Variants in RANBP17 observed in about 807,000 individuals in gnomAD.
The protein encoded by RANBP17 is RAN binding protein 17.
A neutral mutation model predicts 141.2 loss-of-function variants in RANBP17; 158 were observed. That is an observed-to-expected ratio of 1.12 (90% CI 0.98 to 1.28). The LOEUF is 1.28. Ranked by LOEUF, RANBP17 falls within the 50% of genes most tolerant of loss-of-function variation. RANBP17 has a pLI of 0.00. For synonymous variants in RANBP17, 430 were observed against 450.0 expected, an observed-to-expected ratio of 0.96 and a Z score of 0.56; for missense variants, 1,438 against 1,290.7, an observed-to-expected ratio of 1.11 and a Z score of -1.75.
intron 13 of RANBP17, among the ~76,000 whole-genome samples, chr5:170,954,169 A>G (rs987262327): frequency 7.2e-5 from 11 of 152,212 alleles, no homozygotes; most frequent in African/African-American, 2.2e-4. Context: ...GAATAATACA[A>G]GTGAATTGAT....
intron 14 of RANBP17, among the ~76,000 whole-genome samples, chr5:171,150,105 T>C (rs947555536): frequency 6.6e-6 from 1 of 152,256 alleles, no homozygotes; most frequent in African/African-American, 2.4e-5. Context: ...TCTGTTTACC[T>C]ACTGTCAGCC....
In RANBP17 at chr5:171,142,662, A is replaced by C. The variant is rs190923113; in HGVS notation, c.1711-27468A>C. On this transcript the variant is annotated intron_variant, in intron 14 of 27. Coordinates refer to ENST00000523189, the MANE Select transcript of RANBP17 (RefSeq NM_022897.5). Reference sequence around the variant, plus strand: ...CATGACTTTTTTTCCTTAGAAGAAGAAGCCTGTCTCTGTATTTGTTAGCAT... The same window carrying C: ...CATGACTTTTTTTCCTTAGAAGAAGCAGCCTGTCTCTGTATTTGTTAGCAT... Among the ~76,000 whole-genome samples, 16 of 152,334 alleles carry C rather than the reference A, an allele frequency of 1.1e-4. 1 individual carries two copies. In the East Asian group the frequency reaches 2.7e-3, roughly 26 times the overall value.
chr5:171,296,596 T>C (rs1002457857), intron 27 of RANBP17, among the ~76,000 whole-genome samples: 1 of 152,226 alleles, frequency 6.6e-6, no homozygotes, highest in African/African-American at 2.4e-5. Context: ...CCCATAATGA[T>C]GTAAAAATAT....
At chr5:171,137,574 G>A (rs1039966714) in intron 14 of RANBP17, among the ~76,000 whole-genome samples, 26 of 133,442 alleles carry the variant, frequency 1.9e-4, no homozygotes, top group African/African-American at 8.8e-4. Context: ...GACTTGAGAT[G>A]TGTGTGTGTG....
intron 22 of RANBP17, among the ~76,000 whole-genome samples, chr5:171,239,108 C>A (rs1163647439): frequency 6.6e-6 from 1 of 152,154 alleles, no homozygotes; most frequent in African/African-American, 2.4e-5. Flanking sequence ...ATTGTTATCT[C>A]TCTAAGGTAA....
chr5:170,965,913 T>A (rs1234560301), intron 13 of RANBP17, among the ~76,000 whole-genome samples: 1 of 152,118 alleles, frequency 6.6e-6, no homozygotes, highest in Non-Finnish European at 1.5e-5. Context: ...AACTTTAAAG[T>A]AGTTTTTTCC....
chr5:170,880,007 C>T (rs1768527797), intron 2 of RANBP17, among the ~76,000 whole-genome samples: 2 of 152,160 alleles, frequency 1.3e-5, no homozygotes, highest in African/African-American at 2.4e-5. Context: ...AAACATCTTA[C>T]ATTTTTCACA....
At chr5:171,259,163 A>G (rs571317012) in intron 24 of RANBP17, among the ~76,000 whole-genome samples, 35 of 152,364 alleles carry the variant, frequency 2.3e-4, no homozygotes, top group South Asian at 1.0e-3. Flanking sequence ...TCAAAACCAC[A>G]GTGAGATACC....
At chr5:170,951,751 C>T (rs1375524942) in intron 12 of RANBP17, among the ~76,000 whole-genome samples, 1 of 151,914 alleles carries the variant, frequency 6.6e-6, no homozygotes, top group Non-Finnish European at 1.5e-5. Context: ...TGAAGCTGTT[C>T]AAAAAGTGAT....
chr5:171,276,931 A>C (rs1767523329), intron 25 of RANBP17, among the ~76,000 whole-genome samples: 1 of 150,968 alleles, frequency 6.6e-6, no homozygotes, highest in South Asian at 2.1e-4. Context: ...AAAAAAAAAA[A>C]AAAAAAAAAA....
intron 12 of RANBP17, among the ~76,000 whole-genome samples, chr5:170,949,582 G>T (rs539301912): frequency 6.6e-6 from 1 of 152,256 alleles, no homozygotes; most frequent in African/African-American, 2.4e-5. Context: ...ACAAGTGTTG[G>T]CAAAGATTTG....
chr5:171,006,412 A>G (rs1468849379), intron 14 of RANBP17, among the ~76,000 whole-genome samples: 1 of 152,252 alleles, frequency 6.6e-6, no homozygotes, highest in African/African-American at 2.4e-5. Context: ...AATACTATGC[A>G]GCCATAAAAA....
At chr5:171,001,422 A>C (rs1037125426) in intron 14 of RANBP17, among the ~76,000 whole-genome samples, 1 of 152,098 alleles carries the variant, frequency 6.6e-6, no homozygotes, top group Non-Finnish European at 1.5e-5. Flanking sequence ...AGGGGGTTCA[A>C]TGTTATTGTT....
chr5:170,968,169 A>G, intron 13 of RANBP17, 73 bp from the exon 14 acceptor site: 5 of 1,055,628 alleles, frequency 4.7e-6, no homozygotes, highest in Non-Finnish European at 6.7e-6. Flanking sequence ...TATTACATTT[A>G]TGGTAAATGT....
chr5:171,295,494 T>C (rs1279525368), intron 26 of RANBP17, among the ~76,000 whole-genome samples: 1 of 152,172 alleles, frequency 6.6e-6, no homozygotes, highest in Non-Finnish European at 1.5e-5. Flanking sequence ...TTGCCTTCAG[T>C]CACTTAAAAT....
chr5:170,998,334 G>A (rs537612742), intron 14 of RANBP17, among the ~76,000 whole-genome samples: 1 of 152,090 alleles, frequency 6.6e-6, no homozygotes, highest in African/African-American at 2.4e-5. Context: ...GGAACACTCA[G>A]GTCACTTTGG....
intron 24 of RANBP17, among the ~76,000 whole-genome samples, chr5:171,243,918 A>G (rs1276810990): frequency 6.6e-6 from 1 of 151,848 alleles, no homozygotes; most frequent in Admixed American, 6.6e-5. Context: ...TATTAAAAAT[A>G]CAAAAAAAAA....
chr5:170,948,589 C>T (rs561085977), intron 12 of RANBP17, among the ~76,000 whole-genome samples: 12 of 152,232 alleles, frequency 7.9e-5, no homozygotes, highest in African/African-American at 2.4e-4. Flanking sequence ...GACTTCTCAT[C>T]GTCGTGGATC....
chr5:171,127,058 G>T (rs1313237833), intron 14 of RANBP17, among the ~76,000 whole-genome samples: 1 of 152,122 alleles, frequency 6.6e-6, no homozygotes, highest in African/African-American at 2.4e-5. Context: ...TATTTCTGAT[G>T]AACATAGATG....
Sources: allele counts gnomAD v4.1 joint callset (sites outside exome capture counted in the v4.1 genomes callset), GRCh38; gene constraint gnomAD v4.1.1; transcripts MANE v1.5; gene names NCBI Gene and HGNC (gene_info 2026-07-23, HGNC 2026-07-21).